Variants in NT5DC1 observed in about 807,000 individuals in gnomAD.
NT5DC1 encodes 5'-nucleotidase domain containing 1.
A neutral mutation model predicts 59.4 loss-of-function variants in NT5DC1; 42 were observed. That is an observed-to-expected ratio of 0.71 (90% confidence interval 0.55 to 0.92). NT5DC1 has a LOEUF of 0.92. Among genes scored for constraint, NT5DC1 ranks in the 40% least tolerant of loss-of-function variants. The probability of loss-of-function intolerance (pLI) is 0.00; values close to 1 mark genes in which losing one functional copy is unlikely to be tolerated. For synonymous variants in NT5DC1, 172 were observed against 188.1 expected, an observed-to-expected ratio of 0.91 and a Z score of 0.70; for missense variants, 501 against 537.1, an observed-to-expected ratio of 0.93 and a Z score of 0.66.
intron 6 of NT5DC1, among the ~76,000 whole-genome samples, chr6:116,150,808 G>A (rs1187503124): frequency 6.6e-6 from 1 of 152,148 alleles, no homozygotes; most frequent in Admixed American, 6.5e-5. Context: ...GAACCTTGGA[G>A]TCTTATATAT....
At chr6:116,120,408 G>T (rs763199318) in intron 6 of NT5DC1, 71 of 1,614,166 alleles carry the variant, frequency 4.4e-5, no homozygotes, top group Non-Finnish European at 5.9e-5. Flanking sequence ...TTATCAAATG[G>T]TATGGGAGTT....
At chr6:116,142,621 C>T (rs1037770767) in intron 6 of NT5DC1, among the ~76,000 whole-genome samples, 5 of 152,124 alleles carry the variant, frequency 3.3e-5, no homozygotes, top group Non-Finnish European at 7.4e-5. Context: ...GGAATGTCTT[C>T]AGCGAGCTGG....
intron 6 of NT5DC1, among the ~76,000 whole-genome samples, chr6:116,210,538 T>C (rs898595684): frequency 2.0e-5 from 3 of 151,934 alleles, no homozygotes; most frequent in Non-Finnish European, 4.4e-5. Context: ...AGCCTCTCTG[T>C]ATCTCGGATT....
Position 116,203,115 on chromosome 6 carries a change from A to C in NT5DC1, c.530-17939A>C, listed in dbSNP as rs1430669536. On this transcript the variant is annotated intron_variant, in intron 6 of 11. Coordinates refer to ENST00000319550, the MANE Select transcript of NT5DC1 (RefSeq NM_152729.3). Reference sequence around the variant, plus strand: ...GTGAAGTTATATAAAATGTCACTTAATGCAAATTTGAACAAACCAAATTAC... The same window carrying C: ...GTGAAGTTATATAAAATGTCACTTACTGCAAATTTGAACAAACCAAATTAC... Among the ~76,000 whole-genome samples, 5 of 151,998 alleles carry C rather than the reference A, an allele frequency of 3.3e-5. 1 individual carries two copies. The highest frequency in any genetic ancestry group is 7.4e-5 in the Non-Finnish European group (5 of 67,938).
chr6:116,149,725 G>T (rs753603522), intron 6 of NT5DC1, among the ~76,000 whole-genome samples: 1 of 152,166 alleles, frequency 6.6e-6, no homozygotes, highest in African/African-American at 2.4e-5. Context: ...GATTGGGGTA[G>T]AACTTTTGAA....
chr6:116,213,854 C>T (rs931193633), intron 6 of NT5DC1, among the ~76,000 whole-genome samples: 2 of 151,968 alleles, frequency 1.3e-5, no homozygotes, highest in Non-Finnish European at 2.9e-5. Flanking sequence ...GAAGGGAATT[C>T]TTATTGGGGA....
chr6:116,179,081 C>A (rs1465934396), intron 6 of NT5DC1, among the ~76,000 whole-genome samples: 1 of 152,068 alleles, frequency 6.6e-6, no homozygotes, highest in East Asian at 1.9e-4. Flanking sequence ...GTTTTTTCTT[C>A]TTATTTATTT....
chr6:116,246,200 T>C lies in NT5DC1; in HGVS notation c.*2176T>C, dbSNP rs1771843581. 1 of 152,062 alleles carries C rather than the reference T, an allele frequency of 6.6e-6. No individual in the cohort carries two copies. Among genetic ancestry groups the C allele is most frequent in the Non-Finnish European group, 1.5e-5 (1 of 67,954 alleles). The allele number at this position is 152,062 out of a possible 1,614,324, so 9.4% of individuals were successfully genotyped here. A position where few individuals can be genotyped will look rare whatever the true frequency, so the allele number is the denominator to read the frequency against. On this transcript the variant is annotated 3_prime_UTR_variant, in exon 12 of 12. Transcript: ENST00000319550. ...TGTAATATTCGCATACAGGCAAACATTCATAATCTAAAGGACACCTAAAAA... is the reference window on the plus strand; with the variant it reads ...TGTAATATTCGCATACAGGCAAACACTCATAATCTAAAGGACACCTAAAAA...
Position 116,101,034 on chromosome 6 carries a change from C to G in NT5DC1, c.93+11C>G, listed in dbSNP as rs551679414. The stretch of plus-strand genomic sequence containing the variant: ...CCCGAGAGCGCCCCGGTGAGTGGCG[C>G]GGGCTCCGGGGCGCACTGCGCGCAA... On this transcript the variant is annotated intron_variant, in intron 1 of 11. Coordinates refer to ENST00000319550, the MANE Select transcript of NT5DC1 (RefSeq NM_152729.3). 1.3e-6 allele frequency: 2 copies of G among 1,575,108 alleles called. No homozygotes were observed. Among genetic ancestry groups the G allele is most frequent in the East Asian group, 4.9e-5 (2 of 41,230 alleles).
rs1771872113 is a variant in NT5DC1, at chr6:116,247,447, G to A, written c.*3423G>A. 1 of 152,136 alleles carries A rather than the reference G, an allele frequency of 6.6e-6. No individual in the cohort carries two copies. Among genetic ancestry groups the A allele is most frequent in the Non-Finnish European group, 1.5e-5 (1 of 68,012 alleles). 9.4% of individuals were successfully genotyped at this position (152,136 alleles called of 1,614,324 possible). On this transcript the variant is annotated 3_prime_UTR_variant, in exon 12 of 12. Transcript: ENST00000319550. ...TTCTGGGTTAATGTTCACCTTGACT[G>A]CTTGGTAAATTTCCCTCACTGGTGC...
rs1372277204 is a variant in NT5DC1 at position 116,249,181 on chromosome 6, A to ATACT, written c.*5160_*5163dup. 1.3e-5 allele frequency: 2 copies of ATACT among 151,380 alleles called. No individual in the cohort carries two copies. Among genetic ancestry groups the ATACT allele is most frequent in the African/African-American group, 4.8e-5 (2 of 41,352 alleles). 9.4% of individuals were successfully genotyped at this position (151,380 alleles called of 1,614,324 possible). On this transcript the variant is annotated 3_prime_UTR_variant, in exon 12 of 12. Coordinates refer to ENST00000319550, the MANE Select transcript of NT5DC1 (RefSeq NM_152729.3). The stretch of plus-strand genomic sequence containing the variant: ...TTGCAAAAGAAAACCTAGCTCTCTA[A>ATACT]TACTTAAAGTTCTCTAGCCCTAGAA...
intron 6 of NT5DC1, chr6:116,120,011 G>C: frequency 7.3e-7 from 1 of 1,364,646 alleles, no homozygotes; most frequent in Non-Finnish European, 1.0e-6. Context: ...GCATTTTGTA[G>C]GGTGGGGTAG....
In NT5DC1 at chr6:116,121,961, C is replaced by T; in HGVS notation, c.529+4016C>T. On this transcript the variant is annotated intron_variant, in intron 6 of 11. Transcript: ENST00000319550. Reference sequence around the variant, plus strand: ...ACCTTGCTCTCCTCTTACTGCTATACCTAAAAGACACACCCAACACACCCA... The same window carrying T: ...ACCTTGCTCTCCTCTTACTGCTATATCTAAAAGACACACCCAACACACCCA... The T allele has an allele frequency of 1.9e-6, 3 of 1,611,380 alleles. No homozygotes were observed. The highest frequency in any genetic ancestry group is 2.5e-6 in the Non-Finnish European group (3 of 1,179,912).
intron 6 of NT5DC1, among the ~76,000 whole-genome samples, chr6:116,159,963 G>A (rs749207794): frequency 2.6e-5 from 4 of 152,058 alleles, no homozygotes; most frequent in South Asian, 2.1e-4. Flanking sequence ...TTTTATGGCC[G>A]TGTAGTATTC....
chr6:116,213,665 T>C (rs368509151), intron 6 of NT5DC1, among the ~76,000 whole-genome samples: 104 of 152,172 alleles, frequency 6.8e-4, no homozygotes, highest in African/African-American at 2.3e-3. Flanking sequence ...ATCTGTTCTA[T>C]GTGTAGATCA....
At chr6:116,121,223 A>C (rs924818848) in intron 6 of NT5DC1, 2 of 1,613,320 alleles carry the variant, frequency 1.2e-6, no homozygotes, top group South Asian at 2.2e-5. Context: ...TGGTTTCCCA[A>C]AGCCAGGAGG....
chr6:116,124,310 G>T (rs1017085172), intron 6 of NT5DC1, among the ~76,000 whole-genome samples: 1 of 152,106 alleles, frequency 6.6e-6, no homozygotes, highest in Non-Finnish European at 1.5e-5. Context: ...TGGAAAGGGA[G>T]TTTGAAGCCT....
At chr6:116,148,569 A>G (rs1779953573) in intron 6 of NT5DC1, among the ~76,000 whole-genome samples, 1 of 152,210 alleles carries the variant, frequency 6.6e-6, no homozygotes, top group African/African-American at 2.4e-5. Context: ...ATGTTAATTA[A>G]TAGAAGTATT....
At chr6:116,174,917 T>TA (rs1780698838) in intron 6 of NT5DC1, among the ~76,000 whole-genome samples, 1 of 152,176 alleles carries the variant, frequency 6.6e-6, no homozygotes, top group African/African-American at 2.4e-5. Flanking sequence ...AAGATACATC[T>TA]AAAAAGTCAT....
Sources: allele counts gnomAD v4.1 joint callset (sites outside exome capture counted in the v4.1 genomes callset), GRCh38; gene constraint gnomAD v4.1.1; transcripts MANE v1.5; gene names NCBI Gene and HGNC (gene_info 2026-07-23, HGNC 2026-07-21).